FILIP1: variants seen among roughly 807,000 people sequenced by gnomAD.
FILIP1 encodes filamin A interacting protein 1, also known as filamin-A-interacting protein 1.
In FILIP1, 61 loss-of-function variants were observed where a neutral mutation model predicts 102.1. The observed-to-expected ratio is 0.60, with a 90% CI of 0.49 to 0.74. FILIP1 has a LOEUF of 0.74. Ranked by LOEUF, FILIP1 falls within the 30% of genes least tolerant of loss-of-function variation. FILIP1 has a pLI of 0.00. For synonymous variants in FILIP1, 491 were observed against 526.9 expected (o/e 0.93, Z 0.93); for missense variants, 1,314 against 1,441.2 (o/e 0.91, Z 1.43).
At chr6:75,347,300 A>G (rs182927987) in intron 4 of FILIP1, among the ~76,000 whole-genome samples, 1 of 152,352 alleles carries the variant, frequency 6.6e-6, no homozygotes, top group Admixed American at 6.5e-5. Context: ...CATATCTTAT[A>G]GTTTTGTAAG....
chr6:75,329,652 T>C (rs753453557), intron 4 of FILIP1, among the ~76,000 whole-genome samples: 5 of 152,182 alleles, frequency 3.3e-5, no homozygotes, highest in Non-Finnish European at 7.4e-5. Context: ...TTGAAGTCTT[T>C]AGTCACAATG....
chr6:75,368,545 G>A (rs1775414028), intron 2 of FILIP1, among the ~76,000 whole-genome samples: 1 of 152,168 alleles, frequency 6.6e-6, no homozygotes, highest in Non-Finnish European at 1.5e-5. Flanking sequence ...AGCCTTAGGT[G>A]GAGGAAATAC....
rs936872646 is a variant in FILIP1 at position 75,394,464 on chromosome 6, T to A, written c.276+20233A>T. 7.9e-5 allele frequency among the ~76,000 whole-genome samples: 12 copies of A among 151,998 alleles called. 1 individual carries two copies. Among genetic ancestry groups the A allele is most frequent in the African/African-American group, 2.9e-4 (12 of 41,418 alleles). On this transcript the variant is annotated intron_variant, in intron 2 of 5. Transcript: ENST00000237172. ...AATAATAGTAATAATAAATTCTGCA[T>A]AACAAAAAGTGCCAAAAGTGAAGTC...
Position 75,314,595 on chromosome 6 carries a change from C to G in FILIP1, c.1237G>C (p.Glu413Gln). 6.2e-7 allele frequency: 1 copy of G among 1,613,868 alleles called. No individual in the cohort carries two copies. Among genetic ancestry groups the G allele is most frequent in the South Asian group, 1.1e-5 (1 of 90,980 alleles). Residue 413 changes from glutamate to glutamine, a missense_variant, in exon 5 of 6, where the codon GAG (glutamate) becomes CAG (glutamine). This residue lies in a region of FILIP1 where 494 missense variants were observed against 511.2 expected (regional missense o/e 0.97). Transcript: ENST00000237172. ...QCRELRKKLQ[E>Q]EEHHSKELRL... ...AGCTCCTTACTATGGTGTTCTTCCT[C>G]TTGCAGCTTCTTCCTCAATTCCCTA...
intron 2 of FILIP1, among the ~76,000 whole-genome samples, chr6:75,395,075 T>G (rs1205377647): frequency 6.6e-6 from 1 of 152,028 alleles, no homozygotes; most frequent in Non-Finnish European, 1.5e-5. Context: ...AAAATCTCTA[T>G]GTGTACTAAT....
chr6:75,314,427 C>G lies in FILIP1; in HGVS notation c.1405G>C (p.Glu469Gln), dbSNP rs747926737. The change falls in exon 5 of 6, where the codon GAA becomes CAA. Residue 469 changes from glutamate to glutamine, a missense_variant. Physicochemically the swap from Glu to Gln is conservative, Grantham distance 29 (BLOSUM62 2). Transcript: ENST00000237172. ...ACTCGACTCTTGACCACCTCCAATT[C>G]ATTTAGCAGGTCTTTGGTTAAGTTC... ...EKNLTKDLLN[E>Q]LEVVKSRVKE... is the part of the protein sequence containing the mutation. 6.4e-7 allele frequency: 1 copy of G among 1,560,782 alleles called. No individual in the cohort carries two copies. The highest frequency in any genetic ancestry group is 2.2e-5 in the East Asian group (1 of 44,532).
rs371458424 is a variant in FILIP1 at position 75,342,025 on chromosome 6, T to G, written c.629+11514A>C. Among the ~76,000 whole-genome samples, 31 of 152,364 alleles carry G rather than the reference T, an allele frequency of 2.0e-4. No homozygotes were observed. In the South Asian group the frequency reaches 5.8e-3, roughly 28 times the overall value. On this transcript the variant is annotated intron_variant, in intron 4 of 5. Transcript: ENST00000237172. Reference sequence around the variant, plus strand: ...ACATAAAATGCTATGAGATAGGTACTTGGTTATCTCCATTCTATTTAAGAG... The same window carrying G: ...ACATAAAATGCTATGAGATAGGTACGTGGTTATCTCCATTCTATTTAAGAG...
At chr6:75,365,124 T>C (rs1327260403) in intron 2 of FILIP1, among the ~76,000 whole-genome samples, 1 of 152,180 alleles carries the variant, frequency 6.6e-6, no homozygotes, top group Non-Finnish European at 1.5e-5. Flanking sequence ...GGCCATTTTC[T>C]AAGGTTCATT....
At chr6:75,322,237 T>C (rs1773689609) in intron 4 of FILIP1, among the ~76,000 whole-genome samples, 1 of 152,208 alleles carries the variant, frequency 6.6e-6, no homozygotes, top group African/African-American at 2.4e-5. Flanking sequence ...AATTTCCTAA[T>C]AGTTACAATT....
intron 1 of FILIP1, among the ~76,000 whole-genome samples, chr6:75,474,762 T>C (rs1241648956): frequency 6.6e-6 from 1 of 152,168 alleles, no homozygotes; most frequent in Non-Finnish European, 1.5e-5. Context: ...TATTAAATTG[T>C]AATCCCCAGT....
At chr6:75,366,389 A>G (rs1317850746) in intron 2 of FILIP1, among the ~76,000 whole-genome samples, 1 of 152,242 alleles carries the variant, frequency 6.6e-6, no homozygotes, top group Non-Finnish European at 1.5e-5. Flanking sequence ...TAAAGCTATC[A>G]AGCAAATATG....
chr6:75,405,106 G>T (rs1411982592), intron 2 of FILIP1, among the ~76,000 whole-genome samples: 1 of 152,124 alleles, frequency 6.6e-6, no homozygotes, highest in Non-Finnish European at 1.5e-5. Context: ...GAACACATGG[G>T]GAGTAAACTG....
intron 4 of FILIP1, among the ~76,000 whole-genome samples, chr6:75,337,180 T>C: frequency 6.6e-6 from 1 of 152,196 alleles, no homozygotes; most frequent in East Asian, 1.9e-4. Context: ...ATATAGTGCA[T>C]GTGGAAAGTA....
rs183195391 is a variant in FILIP1, at chr6:75,320,594, A to G, written c.630-5392T>C. On this transcript the variant is annotated intron_variant, in intron 4 of 5. Transcript: ENST00000237172. ...CCTATCTCAAAAAAAAGAAAAAAAG[A>G]AAACAAATATAGATCTGGAAATTAC... 3.9e-5 allele frequency among the ~76,000 whole-genome samples: 6 copies of G among 152,320 alleles called. No individual in the cohort carries two copies. The East Asian group carries it at 9.7e-4, about 25-fold the overall frequency.
At chr6:75,431,680 C>T (rs1203736128) in intron 1 of FILIP1, among the ~76,000 whole-genome samples, 3 of 152,118 alleles carry the variant, frequency 2.0e-5, no homozygotes, top group Admixed American at 1.3e-4. Flanking sequence ...CAAAGGACTT[C>T]CCCCACACCA....
intron 2 of FILIP1, among the ~76,000 whole-genome samples, chr6:75,374,952 T>A (rs994808918): frequency 2.6e-5 from 4 of 152,238 alleles, no homozygotes; most frequent in East Asian, 1.9e-4. Flanking sequence ...AATCCTTCTA[T>A]GTAATTCCAT....
intron 1 of FILIP1, among the ~76,000 whole-genome samples, chr6:75,471,523 A>C (rs1779329433): frequency 1.3e-5 from 2 of 152,212 alleles, no homozygotes; most frequent in South Asian, 4.1e-4. Flanking sequence ...TTGCGCATTC[A>C]CGGATAATTT....
intron 1 of FILIP1, among the ~76,000 whole-genome samples, chr6:75,457,816 T>C (rs1778894579): frequency 6.6e-6 from 1 of 152,204 alleles, no homozygotes; most frequent in South Asian, 2.1e-4. Context: ...ATCAGGAACA[T>C]TTCCAAAAAT....
chr6:75,348,585 A>C (rs1442442371), intron 4 of FILIP1, among the ~76,000 whole-genome samples: 1 of 152,246 alleles, frequency 6.6e-6, no homozygotes, highest in Admixed American at 6.5e-5. Flanking sequence ...ATTTTTATAC[A>C]AGATGAGTTA....
Sources: allele counts gnomAD v4.1 joint callset (sites outside exome capture counted in the v4.1 genomes callset), GRCh38; gene constraint gnomAD v4.1.1; regional missense constraint gnomAD v4.1.1; transcripts MANE v1.5; gene names NCBI Gene and HGNC (gene_info 2026-07-23, HGNC 2026-07-21).